ATXN1: variants seen among roughly 807,000 people sequenced by gnomAD.
ATXN1 encodes ataxin-1.
Under a neutral mutation model 56.4 loss-of-function variants are expected in ATXN1, and 8 were observed. The observed-to-expected ratio is 0.14, with a 90% CI of 0.08 to 0.26. The LOEUF (loss-of-function observed/expected upper bound fraction) is 0.26. ATXN1 is among the 10% of genes least tolerant of loss of function. The pLI, the probability that ATXN1 is intolerant of heterozygous loss-of-function variation, is 1.00. For synonymous variants in ATXN1, 514 were observed against 494.6 expected, an observed-to-expected ratio of 1.04 and a Z score of -0.52; for missense variants, 987 against 1,106.5, an observed-to-expected ratio of 0.89 and a Z score of 1.53.
Position 16,305,167 on chromosome 6 carries a change from G to C in ATXN1, c.*1162C>G, listed in dbSNP as rs1760211359. The C allele has an allele frequency of 6.6e-6, 1 of 152,358 alleles. No individual in the cohort carries two copies. The allele number at this position is 152,358 out of a possible 1,614,324, so 9.4% of individuals were successfully genotyped here. On this transcript the variant is annotated 3_prime_UTR_variant, in exon 8 of 8. Coordinates refer to ENST00000436367, the MANE Select transcript of ATXN1 (RefSeq NM_001128164.2). The stretch of plus-strand genomic sequence containing the variant: ...GTGAGATACAGTACTTGTTGAATGA[G>C]AGACCAAGATGCTTGGTAATAAAGT...
intron 2 of ATXN1, among the ~76,000 whole-genome samples, chr6:16,740,635 T>C (rs934387890): frequency 6.6e-6 from 1 of 152,230 alleles, no homozygotes; most frequent in Admixed American, 6.5e-5. Flanking sequence ...AAAATCATTC[T>C]CTGTTTATCC....
intron 6 of ATXN1, among the ~76,000 whole-genome samples, chr6:16,377,662 G>C (rs1762171282): frequency 6.6e-6 from 1 of 152,144 alleles, no homozygotes; most frequent in South Asian, 2.1e-4. Flanking sequence ...GACTATCTCT[G>C]TACGCCTGTG....
rs1168828087 is a variant in ATXN1, at chr6:16,660,844, T to G, written c.-614-2943A>C. Among the ~76,000 whole-genome samples the G allele has an allele frequency of 2.0e-3, 292 of 147,182 alleles. 1 individual carries two copies. Among genetic ancestry groups the G allele is most frequent in the African/African-American group, 6.8e-3 (270 of 39,806 alleles). ...TTATTTTGTTTTGGTTTTTTTTTTT[T>G]TTTTTTTTTTTTGAGACAGAGTTTT... On this transcript the variant is annotated intron_variant, in intron 2 of 7. Transcript: ENST00000436367.
intron 3 of ATXN1, among the ~76,000 whole-genome samples, chr6:16,617,766 C>A (rs1412113380): frequency 2.2e-3 from 196 of 89,324 alleles, no homozygotes; most frequent in Admixed American, 2.8e-3. Flanking sequence ...AACTCTGTCT[C>A]AAAAAAAAAA....
At chr6:16,396,195 A>G (rs1758455289) in intron 6 of ATXN1, among the ~76,000 whole-genome samples, 1 of 152,068 alleles carries the variant, frequency 6.6e-6, no homozygotes, top group Non-Finnish European at 1.5e-5. Flanking sequence ...GATACTGACC[A>G]TCATGACCCT....
At chr6:16,723,508 T>A (rs1374109033) in intron 2 of ATXN1, among the ~76,000 whole-genome samples, 1 of 152,132 alleles carries the variant, frequency 6.6e-6, no homozygotes, top group Non-Finnish European at 1.5e-5. Context: ...TAAAATCATG[T>A]TCTATATCAC....
At chr6:16,540,253 C>T (rs1390276039) in intron 4 of ATXN1, among the ~76,000 whole-genome samples, 1 of 151,742 alleles carries the variant, frequency 6.6e-6, no homozygotes, top group Non-Finnish European at 1.5e-5. Context: ...TGTTCTGTCA[C>T]CAGGCTGGAG....
chr6:16,635,294 T>C (rs1247274825), intron 3 of ATXN1, among the ~76,000 whole-genome samples: 1 of 152,194 alleles, frequency 6.6e-6, no homozygotes, highest in Non-Finnish European at 1.5e-5. Context: ...TTCTACATTA[T>C]GGTGAGTTGC....
chr6:16,513,494 T>C (rs997069802), intron 5 of ATXN1, among the ~76,000 whole-genome samples: 1 of 152,174 alleles, frequency 6.6e-6, no homozygotes, highest in South Asian at 2.1e-4. Flanking sequence ...TATAAATAGC[T>C]TAGGCTGTCT....
intron 6 of ATXN1, among the ~76,000 whole-genome samples, chr6:16,484,813 T>C (rs1760507865): frequency 6.6e-6 from 1 of 152,166 alleles, no homozygotes; most frequent in Non-Finnish European, 1.5e-5. Context: ...TTTTTTTCCT[T>C]GTCAATACTT....
chr6:16,740,950 TA>T (rs1347483219), intron 2 of ATXN1, among the ~76,000 whole-genome samples: 2 of 152,234 alleles, frequency 1.3e-5, no homozygotes, highest in African/African-American at 4.8e-5. Context: ...AATATTGTTC[TA>T]GGGGGCTAAC....
intron 6 of ATXN1, among the ~76,000 whole-genome samples, chr6:16,474,154 CT>C (rs1406935000): frequency 6.6e-6 from 1 of 152,230 alleles, no homozygotes; most frequent in Non-Finnish European, 1.5e-5. Flanking sequence ...GCCATGTTCT[CT>C]CTTACCTTTG....
chr6:16,310,521 C>T (rs796125674), intron 7 of ATXN1, among the ~76,000 whole-genome samples: 25 of 152,194 alleles, frequency 1.6e-4, no homozygotes, highest in African/African-American at 5.8e-4. Flanking sequence ...CTTGCTCTGT[C>T]GCCCAGGCTG....
chr6:16,731,335 A>T (rs1044791820), intron 2 of ATXN1, among the ~76,000 whole-genome samples: 1 of 152,026 alleles, frequency 6.6e-6, no homozygotes, highest in Non-Finnish European at 1.5e-5. Flanking sequence ...CATTCAGGGG[A>T]AAAAAACATC....
chr6:16,459,021 G>C (rs1007821778), intron 6 of ATXN1, among the ~76,000 whole-genome samples: 1 of 152,220 alleles, frequency 6.6e-6, no homozygotes, highest in African/African-American at 2.4e-5. Flanking sequence ...CTGTCCTCAA[G>C]ATCCATTACC....
At chr6:16,404,173 C>G (rs1319603139) in intron 6 of ATXN1, among the ~76,000 whole-genome samples, 1 of 152,148 alleles carries the variant, frequency 6.6e-6, no homozygotes, top group Non-Finnish European at 1.5e-5. Flanking sequence ...CTATCTTAAA[C>G]ATATGACTCT....
In ATXN1 at chr6:16,357,430, C is replaced by T. The variant is rs894797413; in HGVS notation, c.-160-28960G>A. ...GACTACAGGTGCCCGCCACCATGCCCGGCTAATTTTTGTATTTTTGGTAGA... is the reference window on the plus strand; with the variant it reads ...GACTACAGGTGCCCGCCACCATGCCTGGCTAATTTTTGTATTTTTGGTAGA... On this transcript the variant is annotated intron_variant, in intron 6 of 7. Coordinates refer to ENST00000436367, the MANE Select transcript of ATXN1 (RefSeq NM_001128164.2). Among the ~76,000 whole-genome samples the T allele has an allele frequency of 7.2e-5, 11 of 151,892 alleles. 1 individual carries two copies. In the South Asian group the frequency reaches 8.3e-4, roughly 12 times the overall value.
At chr6:16,385,997 C>G (rs977160066) in intron 6 of ATXN1, among the ~76,000 whole-genome samples, 13 of 152,196 alleles carry the variant, frequency 8.5e-5, no homozygotes, top group Non-Finnish European at 1.8e-4. Context: ...CTCTCCTTCA[C>G]CCTTAAGGCT....
chr6:16,333,177 G>A (rs16877885), intron 6 of ATXN1, among the ~76,000 whole-genome samples: 5,303 of 152,220 alleles, frequency 0.035, 293 homozygotes, highest in African/African-American at 0.12. Context: ...TAATACGGCT[G>A]CAAATAACAA....
Sources: gnomAD v4.1 joint callset for allele counts (sites outside exome capture counted in the v4.1 genomes callset) on GRCh38, gnomAD v4.1.1 for gene constraint, MANE v1.5 for transcripts, NCBI Gene and HGNC (gene_info 2026-07-23, HGNC 2026-07-21) for gene names.